Variants in HELZ observed in about 807,000 individuals in gnomAD.
HELZ encodes helicase with zinc finger.
A neutral mutation model predicts 218.2 loss-of-function variants in HELZ; 23 were observed. That is an observed-to-expected ratio of 0.11 (90% CI 0.08 to 0.15). The LOEUF is 0.15. Ranked by LOEUF, HELZ falls within the 10% of genes least tolerant of loss-of-function variation. HELZ has a pLI of 1.00. For missense variants in HELZ, 1,813 were observed against 2,353.7 expected (o/e 0.77, Z 4.75); for synonymous variants, 814 against 829.4 (o/e 0.98, Z 0.32).
chr17:67,185,345 A>G lies in HELZ; in HGVS notation c.1162+2974T>C, dbSNP rs574993622. ...ACTGTAATAGTACTGAGATAAAAGC[A>G]AGAAACAAATATTACACTACTTATA... On this transcript the variant is annotated intron_variant, in intron 12 of 32. Transcript: ENST00000358691. 4.6e-5 allele frequency among the ~76,000 whole-genome samples: 7 copies of G among 152,358 alleles called. No individual in the cohort carries two copies. In the South Asian group the frequency reaches 1.2e-3, roughly 27 times the overall value.
At chr17:67,089,647 T>TTATATATATA (rs371659847) in intron 31 of HELZ, among the ~76,000 whole-genome samples, 718 of 53,218 alleles carry the variant, frequency 0.013, 7 homozygotes, top group East Asian at 0.057. Flanking sequence ...ATTGGAGATT[T>TTATATATATA]TATATATATA....
intron 5 of HELZ, among the ~76,000 whole-genome samples, chr17:67,205,941 T>C (rs2040285003): frequency 6.6e-6 from 1 of 152,232 alleles, no homozygotes; most frequent in Admixed American, 6.5e-5. Context: ...TATAAAAAAC[T>C]ATGGCATAGA....
intron 3 of HELZ, among the ~76,000 whole-genome samples, chr17:67,232,355 T>C (rs547551722): frequency 1.3e-5 from 2 of 152,174 alleles, no homozygotes. Context: ...GGTTTCACCA[T>C]GTCGGCCAGG....
At chr17:67,129,996 TA>T (rs1320935429) in intron 23 of HELZ, among the ~76,000 whole-genome samples, 1 of 152,156 alleles carries the variant, frequency 6.6e-6, no homozygotes, top group Non-Finnish European at 1.5e-5. Context: ...TCAAGAAGCA[TA>T]AATGAAAAGG....
chr17:67,078,043 TGTCA>T lies in HELZ; in HGVS notation c.*205_*208del, dbSNP rs1257393266. On this transcript the variant is annotated 3_prime_UTR_variant, in exon 33 of 33. Transcript: ENST00000358691. ...AAATTTTTTTATTCTACATAAAAGC[TGTCA>T]AAGTTTTGACACATCAAAAATGCAA... 13 of 449,312 alleles carry T rather than the reference TGTCA, an allele frequency of 2.9e-5. No homozygotes were observed. Among genetic ancestry groups the T allele is most frequent in the Non-Finnish European group, 4.3e-5 (11 of 253,840 alleles). The allele number at this position is 449,312 out of a possible 1,614,324, so 27.8% of individuals were successfully genotyped here.
chr17:67,079,662 A>T (rs1198560313), intron 32 of HELZ, among the ~76,000 whole-genome samples: 1 of 152,202 alleles, frequency 6.6e-6, no homozygotes, highest in Non-Finnish European at 1.5e-5. Context: ...GCCCATGTGT[A>T]CTCAGCCAGC....
Position 67,148,569 on chromosome 17 carries a change from T to C in HELZ, c.2621A>G (p.Asn874Ser). ...CACGGAGGGGGCAGTTCACACCTAC[T>C]TGATGATAGCTTCATGGGAGCGGTA... ...ENYRSHEAIINYTSELFYEGK... is the reference protein window; with the variant it reads ...ENYRSHEAIISYTSELFYEGK... Residue 874 changes from asparagine to serine, a missense_variant and splice_region_variant, in exon 20 of 33, where the codon AAT (asparagine) becomes AGT (serine). Transcript: ENST00000358691. 1.2e-6 allele frequency: 2 copies of C among 1,611,720 alleles called. No homozygotes were observed. Among genetic ancestry groups the C allele is most frequent in the Non-Finnish European group, 1.7e-6 (2 of 1,179,090 alleles).
Position 67,128,768 on chromosome 17 carries a change from C to G in HELZ, c.3270G>C (p.Glu1090Asp), listed in dbSNP as rs1392531087. The G allele has an allele frequency of 6.2e-7, 1 of 1,614,032 alleles. No individual in the cohort carries two copies. The highest frequency in any genetic ancestry group is 1.3e-5 in the African/African-American group (1 of 75,034). ...CATATGTCTTCTTTAGTTCTAAAGC[C>G]TCTAACTGGGCTTTGATCTGTTCAA... ...ITFEQIKAQL[E>D]ALELKKTYVL... Residue 1090 changes from glutamate (E) to aspartate (D), a missense_variant, in exon 24 of 33, where the codon GAG becomes GAC. By Grantham distance (45) the Glu-to-Asp change is conservative. This residue lies in a region of HELZ where 156 missense variants were observed against 274.4 expected (regional missense o/e 0.57). Transcript: ENST00000358691.
chr17:67,209,389 G>A (rs1001188572), intron 5 of HELZ, among the ~76,000 whole-genome samples: 9 of 152,196 alleles, frequency 5.9e-5, no homozygotes, highest in Non-Finnish European at 1.2e-4. Context: ...CCTGAGGTCA[G>A]GAGTTCAAGA....
intron 7 of HELZ, among the ~76,000 whole-genome samples, chr17:67,198,007 ATTC>A (rs1384623465): frequency 1.5e-4 from 23 of 152,332 alleles, no homozygotes; most frequent in African/African-American, 5.5e-4. Context: ...ATCTCTTTAA[ATTC>A]TTCAAGCAAG....
In HELZ at chr17:67,160,950, T is replaced by C; in HGVS notation, c.2022A>G (p.Lys674=). Residue 674 remains lysine, a synonymous_variant, in exon 16 of 33, where the codon AAA becomes AAG. Coordinates refer to ENST00000358691, the MANE Select transcript of HELZ (RefSeq NM_014877.4). ...VLIIGPYGTG[K]TFTLAQAVKH... ...TGACAGCCTGAGCTAGAGTGAACGT[T>C]TTGCCTGTCCCATAGGGTCCGATGA... is the stretch of plus-strand genomic sequence containing the variant. 1 of 1,613,582 alleles carries C rather than the reference T, an allele frequency of 6.2e-7. No individual in the cohort carries two copies. The highest frequency in any genetic ancestry group is 8.5e-7 in the Non-Finnish European group (1 of 1,179,736).
chr17:67,130,270 C>T (rs913042492), intron 23 of HELZ, among the ~76,000 whole-genome samples: 1 of 151,944 alleles, frequency 6.6e-6, no homozygotes, highest in Non-Finnish European at 1.5e-5. Flanking sequence ...AAAGTCCAGA[C>T]TTGATTACTA....
chr17:67,088,469 G>T (rs1363900822), intron 31 of HELZ, among the ~76,000 whole-genome samples: 2 of 152,166 alleles, frequency 1.3e-5, no homozygotes, highest in Admixed American at 6.5e-5. Flanking sequence ...AAATTGTGGG[G>T]GTAAGCACTG....
At position 67,230,110 on chromosome 17, in the gene HELZ, A is replaced by G. The variant is rs545521003; in HGVS notation, c.-19+9323T>C. On this transcript the variant is annotated intron_variant, in intron 3 of 32. Transcript: ENST00000358691. ...TTTTCTAAAAATTATATCAACAGCT[A>G]AAATTGAGATTTTTTTTCCATCTAT... Among the ~76,000 whole-genome samples the G allele has an allele frequency of 2.9e-4, 44 of 152,300 alleles. No homozygotes were observed. In the East Asian group the frequency reaches 7.7e-3, roughly 27 times the overall value.
intron 23 of HELZ, among the ~76,000 whole-genome samples, chr17:67,131,889 G>A (rs1567827032): frequency 6.6e-6 from 1 of 151,912 alleles, no homozygotes; most frequent in Non-Finnish European, 1.5e-5. Flanking sequence ...AAACTACTAT[G>A]CATACAATTA....
At chr17:67,095,636 C>G (rs915805076) in intron 31 of HELZ, among the ~76,000 whole-genome samples, 3 of 152,172 alleles carry the variant, frequency 2.0e-5, no homozygotes, top group African/African-American at 4.8e-5. Context: ...ACTTCTAATT[C>G]TAGTTCTCTT....
intron 7 of HELZ, among the ~76,000 whole-genome samples, chr17:67,195,756 G>A (rs966823224): frequency 2.0e-5 from 3 of 151,248 alleles, no homozygotes; most frequent in Non-Finnish European, 2.9e-5. Context: ...AACCTCACAG[G>A]CTAGCACCTT....
chr17:67,161,981 A>G (rs1325569890), intron 15 of HELZ, among the ~76,000 whole-genome samples: 1 of 152,238 alleles, frequency 6.6e-6, no homozygotes, highest in African/African-American at 2.4e-5. Context: ...ACTCTTAGAA[A>G]ATTTAAAATA....
chr17:67,234,078 C>A (rs1470769336), intron 3 of HELZ, among the ~76,000 whole-genome samples: 4 of 147,402 alleles, frequency 2.7e-5, no homozygotes, highest in African/African-American at 9.9e-5. Flanking sequence ...AGAGAGAGAA[C>A]TTTGGGAGGC....
Sources: gnomAD v4.1 joint callset for allele counts (sites outside exome capture counted in the v4.1 genomes callset) on GRCh38, gnomAD v4.1.1 for gene constraint, gnomAD v4.1.1 regional missense constraint, MANE v1.5 for transcripts, NCBI Gene and HGNC (gene_info 2026-07-23, HGNC 2026-07-21) for gene names.